Variants in PRX observed in about 807,000 individuals in gnomAD.
The protein encoded by PRX is periaxin.
PRX carries 24 observed loss-of-function variants against 29.6 expected under a neutral mutation model. That is an observed-to-expected ratio of 0.81 (90% CI 0.59 to 1.14). PRX has a LOEUF of 1.14. Among genes scored for constraint, PRX ranks in the 50% most tolerant of loss-of-function variants. The probability of loss-of-function intolerance (pLI) is 0.00; values close to 1 mark genes in which losing one functional copy is unlikely to be tolerated. For synonymous variants in PRX, 772 were observed against 831.7 expected (o/e 0.93, Z 1.24); for missense variants, 1,838 against 1,926.4 (o/e 0.95, Z 0.86).
At chr19:40,411,009 T>C (rs940057118) in intron 1 of PRX, among the ~76,000 whole-genome samples, 2 of 152,212 alleles carry the variant, frequency 1.3e-5, no homozygotes, top group Admixed American at 1.3e-4. Flanking sequence ...TCTGGGGCAT[T>C]TCCTCTGAAT....
In PRX at chr19:40,394,682, C is replaced by A; in HGVS notation, c.3670G>T (p.Asp1224Tyr). ...PTVTVPQLEL[D>Y]VGLSREAQAG... ...TGTGCCTCTCGGCTTAGCCCCACGT[C>A]CAGCTCAAGCTGGGGCACTGTCACG... Residue 1224 changes from aspartate to tyrosine, a missense_variant, in exon 7 of 7, where the codon GAC becomes TAC. Coordinates refer to ENST00000324001, the MANE Select transcript of PRX (RefSeq NM_181882.3). The surrounding 1 kb of genome is among the most constrained non-coding windows in gnomAD (Gnocchi z 5.8). The A allele has an allele frequency of 1.2e-6, 2 of 1,610,218 alleles. No individual in the cohort carries two copies. The highest frequency in any genetic ancestry group is 1.7e-6 in the Non-Finnish European group (2 of 1,179,988).
In PRX at chr19:40,398,600, G is replaced by A; in HGVS notation, c.381+20C>T. On this transcript the variant is annotated intron_variant, in intron 6 of 6. Transcript: ENST00000324001. The surrounding 1 kb of genome is among the most constrained non-coding windows in gnomAD (Gnocchi z 6.3). Reference sequence around the variant, plus strand: ...ATCGCTGGGGCAGTCCAGGGCCGGGGCCGGGCTAAGCACGCGTACCAGCTT... The same window carrying A: ...ATCGCTGGGGCAGTCCAGGGCCGGGACCGGGCTAAGCACGCGTACCAGCTT... 4.3e-6 allele frequency: 7 copies of A among 1,612,512 alleles called. No individual in the cohort carries two copies. Among genetic ancestry groups the A allele is most frequent in the Non-Finnish European group, 5.9e-6 (7 of 1,179,622 alleles).
Position 40,397,301 on chromosome 19 carries a change from G to A in PRX, c.1051C>T (p.Pro351Ser), listed in dbSNP as rs73933276. The A allele has an allele frequency of 3.7e-3, 5,966 of 1,613,266 alleles. 183 individuals carry two copies. The African/African-American group carries it at 0.067, about 18-fold the overall frequency. ...CGGGGCATCTTCAGGGCCACCTCAG[G>A]TGCCTCTCCCCGGGCCTCCACCTCT... ...GAEVEARGEA[P>S]EVALKMPRLS... The change falls in exon 7 of 7, where the codon CCT becomes TCT. Residue 351 changes from proline (P) to serine (S), a missense_variant. Physicochemically the swap from Pro to Ser is moderately conservative, Grantham distance 74. This residue lies in a region of PRX where 666 missense variants were observed against 665.0 expected (regional missense o/e 1.00). Transcript: ENST00000324001.
chr19:40,404,702 T>C (rs1347678682), intron 4 of PRX, among the ~76,000 whole-genome samples: 1 of 151,900 alleles, frequency 6.6e-6, no homozygotes, highest in Admixed American at 6.6e-5. Context: ...TCCCAAGTAG[T>C]TGGGAACATA....
At chr19:40,403,557 A>G (rs1235094917) in intron 5 of PRX, 149 bp downstream of exon 5, 1 of 991,402 alleles carries the variant, frequency 1.0e-6, no homozygotes, top group Non-Finnish European at 1.4e-6. Context: ...GTGAACAGTC[A>G]GCAAAGCCCC....
Position 40,394,458 on chromosome 19 carries a change from TC to T in PRX, c.3893del (p.Gly1298GlufsTer84). 1 of 1,601,044 alleles carries T rather than the reference TC, an allele frequency of 6.2e-7. No individual in the cohort carries two copies. The highest frequency in any genetic ancestry group is 8.5e-7 in the Non-Finnish European group (1 of 1,174,106). On this transcript the variant is annotated frameshift_variant, in exon 7 of 7. Transcript: ENST00000324001. LOFTEE classifies it high-confidence loss of function. This position sits in a 1 kb window ranked among gnomAD's most constrained non-coding sequence, Gnocchi z 5.8. ...HAEYQVAEGE[G>X]EAGHKLKVRL... ...GTACCTTGAGCTTGTGTCCGGCCTC[TC>T]CCTCCCCCTCTGCCACCTGGTACTC...
Position 40,397,900 on chromosome 19 carries a change from A to G in PRX, c.452T>C (p.Leu151Pro), listed in dbSNP as rs763936889. 5.6e-6 allele frequency: 9 copies of G among 1,612,470 alleles called. No individual in the cohort carries two copies. The highest frequency in any genetic ancestry group is 1.3e-5 in the African/African-American group (1 of 74,926). The change falls in exon 7 of 7, where the codon CTG (leucine) becomes CCG (proline). Residue 151 changes from leucine to proline, a missense_variant. Leu to Pro is a moderately conservative substitution (Grantham distance 98). Around this residue, in one of 3 missense-constraint regions of PRX, gnomAD observed 666 missense variants for 665.0 expected, o/e 1.00. Coordinates refer to ENST00000324001, the MANE Select transcript of PRX (RefSeq NM_181882.3). ...VPGALGVPAD[L>P]APVDVEFSFP... ...GGAGAACTCGACGTCAACAGGGGCCAGGTCAGCGGGGACCCCCAGAGCCCC... is the reference window on the plus strand; with the variant it reads ...GGAGAACTCGACGTCAACAGGGGCCGGGTCAGCGGGGACCCCCAGAGCCCC...
chr19:40,397,935 C>A lies in PRX; in HGVS notation c.417G>T (p.Lys139Asn). Residue 139 changes from lysine to asparagine, a missense_variant, in exon 7 of 7, where the codon AAG becomes AAT. Transcript: ENST00000324001. ...GGACCCCCAGAGCCCCAGGCACCATCTTCTTCTTCTTCACAGGGGACAGAC... is the reference window on the plus strand; with the variant it reads ...GGACCCCCAGAGCCCCAGGCACCATATTCTTCTTCTTCACAGGGGACAGAC... ...IQSLSPVKKK[K>N]MVPGALGVPA... 1 of 1,610,156 alleles carries A rather than the reference C, an allele frequency of 6.2e-7. No individual in the cohort carries two copies. The highest frequency in any genetic ancestry group is 8.5e-7 in the Non-Finnish European group (1 of 1,177,992).
chr19:40,394,018 G>A lies in PRX; in HGVS notation c.4334C>T (p.Thr1445Ile), dbSNP rs746338096. The stretch of plus-strand genomic sequence containing the variant: ...CATCCTGGCCGGGCCTGGAGCCCCT[G>A]TCTCTGAAAACCCCACGCTGGGCAG... ...VRLPSVGFSETGAPGPARMEG... is the reference protein window; with the variant it reads ...VRLPSVGFSEIGAPGPARMEG... The change falls in exon 7 of 7, where the codon ACA becomes ATA. Residue 1445 changes from threonine to isoleucine, a missense_variant. Thr to Ile is a moderately conservative substitution (Grantham distance 89). This residue lies in a region of PRX where 1,143 missense variants were observed against 1,193.0 expected (regional missense o/e 0.96). Coordinates refer to ENST00000324001, the MANE Select transcript of PRX (RefSeq NM_181882.3). The surrounding 1 kb of genome is among the most constrained non-coding windows in gnomAD (Gnocchi z 5.8). The A allele has an allele frequency of 2.5e-5, 41 of 1,613,550 alleles. No homozygotes were observed. In the Admixed American group the frequency reaches 5.8e-4, roughly 23 times the overall value.
At chr19:40,412,423 T>A (rs1223167057) in intron 1 of PRX, among the ~76,000 whole-genome samples, 9 of 152,116 alleles carry the variant, frequency 5.9e-5, no homozygotes, top group African/African-American at 2.2e-4. Context: ...TGAAGATTTG[T>A]GAGAGAACAG....
intron 5 of PRX, among the ~76,000 whole-genome samples, chr19:40,402,581 C>T (rs1219447439): frequency 2.7e-5 from 4 of 149,682 alleles, no homozygotes; most frequent in Admixed American, 2.7e-4. Flanking sequence ...ACCATCCTGG[C>T]TAACACGGTG....
chr19:40,402,354 A>T (rs1413756649), intron 5 of PRX, among the ~76,000 whole-genome samples: 4 of 151,966 alleles, frequency 2.6e-5, no homozygotes, highest in Admixed American at 2.0e-4. Flanking sequence ...ACTCCGTCTC[A>T]AAATAAATAA....
At chr19:40,400,229 G>A (rs185570664) in intron 5 of PRX, among the ~76,000 whole-genome samples, 155 of 146,852 alleles carry the variant, frequency 1.1e-3, no homozygotes, top group Non-Finnish European at 1.6e-3. Flanking sequence ...TGATCTGCCC[G>A]CCTTGGCCTC....
rs757956659 is a variant in PRX, at chr19:40,398,580, T to TGGGGCAGTCCAGGGCC, written c.381+24_381+39dup. On this transcript the variant is annotated intron_variant, in intron 6 of 6. Coordinates refer to ENST00000324001, the MANE Select transcript of PRX (RefSeq NM_181882.3). The surrounding 1 kb of genome is among the most constrained non-coding windows in gnomAD (Gnocchi z 6.3). ...GCTCACGGCGCAGAGACCGGATCGC[T>TGGGGCAGTCCAGGGCC]GGGGCAGTCCAGGGCCGGGGCCGGG... 17 of 1,608,100 alleles carry TGGGGCAGTCCAGGGCC rather than the reference T, an allele frequency of 1.1e-5. No individual in the cohort carries two copies. Among genetic ancestry groups the TGGGGCAGTCCAGGGCC allele is most frequent in the Non-Finnish European group, 1.4e-5 (17 of 1,178,188 alleles).
chr19:40,407,758 G>T, intron 4 of PRX, 148 bp downstream of exon 4: 2 of 1,112,304 alleles, frequency 1.8e-6, no homozygotes, highest in Non-Finnish European at 2.7e-6. Flanking sequence ...TCTCCTCACA[G>T]TGACCCATAA....
At chr19:40,404,738 T>C (rs1469334305) in intron 4 of PRX, among the ~76,000 whole-genome samples, 1 of 151,996 alleles carries the variant, frequency 6.6e-6, no homozygotes, top group African/African-American at 2.4e-5. Flanking sequence ...GCCCAGCTAA[T>C]TTTTAATTTT....
At chr19:40,400,351 G>C (rs1210000384) in intron 5 of PRX, among the ~76,000 whole-genome samples, 1 of 147,302 alleles carries the variant, frequency 6.8e-6, no homozygotes, top group Non-Finnish European at 1.5e-5. Flanking sequence ...CCAGCACTTT[G>C]GGAGGCCGAG....
intron 2 of PRX, 30 bp downstream of exon 2, chr19:40,408,310 G>T (rs2079541865): frequency 2.4e-6 from 1 of 422,254 alleles, no homozygotes; most frequent in African/African-American, 2.0e-5. Context: ...AAGGGGTGGG[G>T]AGGGGCATAT....
chr19:40,400,592 CAAAAAAAAAAAAA>C lies in PRX; in HGVS notation c.185-1789_185-1777del, dbSNP rs71171569. Among the ~76,000 whole-genome samples the C allele has an allele frequency of 1.3e-3, 60 of 44,822 alleles. 1 individual carries two copies. The highest frequency in any genetic ancestry group is 2.8e-3 in the South Asian group (2 of 708). 29.4% of individuals were successfully genotyped at this position (44,822 alleles called of 152,430 possible). ...GGGCAACAAGAGCGAAATTCCATCT[CAAAAAAAAAAAAA>C]AAAAAAAAAAAAAGACAAGATCTCA... On this transcript the variant is annotated intron_variant, in intron 5 of 6. Coordinates refer to ENST00000324001, the MANE Select transcript of PRX (RefSeq NM_181882.3).
Sources: allele counts gnomAD v4.1 joint callset (sites outside exome capture counted in the v4.1 genomes callset), GRCh38; gene constraint gnomAD v4.1.1; regional missense constraint gnomAD v4.1.1; non-coding constraint Gnocchi (gnomAD v3.1); transcripts MANE v1.5; gene names NCBI Gene and HGNC (gene_info 2026-07-23, HGNC 2026-07-21).